The following SORCS2 variants were observed in gnomAD, a reference collection of about 807,000 sequenced individuals.
SORCS2 encodes VPS10 domain-containing receptor SorCS2.
Under a neutral mutation model 141.6 loss-of-function variants are expected in SORCS2, and 100 were observed. The ratio of observed to expected loss-of-function variants is 0.71; its 90% CI spans 0.60 to 0.83. The LOEUF (loss-of-function observed/expected upper bound fraction) is 0.83. Among genes scored for constraint, SORCS2 ranks in the 40% least tolerant of loss-of-function variants. The pLI, the probability that SORCS2 is intolerant of heterozygous loss-of-function variation, is 0.00. For synonymous variants in SORCS2, 789 were observed against 676.9 expected (o/e 1.17, Z -2.57); for missense variants, 1,646 against 1,560.2 (o/e 1.05, Z -0.93).
chr4:7,633,642 G>A (rs1720041849), intron 3 of SORCS2, among the ~76,000 whole-genome samples: 1 of 152,206 alleles, frequency 6.6e-6, no homozygotes, highest in African/African-American at 2.4e-5. Context: ...AAGTGGATGA[G>A]TTTTTTCTAT....
chr4:7,512,409 AAGGG>A (rs367825722), intron 2 of SORCS2, among the ~76,000 whole-genome samples: 1,662 of 128,896 alleles, frequency 0.013, 18 homozygotes, highest in East Asian at 0.029. Context: ...GGAAGGAAAG[AAGGG>A]AGGGAGGGAG....
At chr4:7,467,941 G>C (rs1427709948) in intron 2 of SORCS2, among the ~76,000 whole-genome samples, 1 of 152,244 alleles carries the variant, frequency 6.6e-6, no homozygotes, top group African/African-American at 2.4e-5. Flanking sequence ...GGTTGGGTTT[G>C]AGTGGGCTCC....
chr4:7,559,540 G>A (rs562192008), intron 3 of SORCS2, among the ~76,000 whole-genome samples: 37 of 152,146 alleles, frequency 2.4e-4, no homozygotes, highest in Non-Finnish European at 5.0e-4. Flanking sequence ...TGGTGCCAGC[G>A]GGGGCCCAGG....
intron 3 of SORCS2, among the ~76,000 whole-genome samples, chr4:7,616,390 A>T (rs1718761049): frequency 6.6e-6 from 1 of 151,988 alleles, no homozygotes; most frequent in Admixed American, 6.5e-5. Flanking sequence ...CCATCCACTC[A>T]TCCATAATCC....
At chr4:7,603,365 CA>C (rs776601268) in intron 3 of SORCS2, among the ~76,000 whole-genome samples, 103 of 152,296 alleles carry the variant, frequency 6.8e-4, no homozygotes, top group Admixed American at 1.1e-3. Flanking sequence ...TCTGAAATGG[CA>C]AATCCTCTGT....
At chr4:7,699,733 C>G (rs1398488291) in intron 12 of SORCS2, among the ~76,000 whole-genome samples, 5 of 152,194 alleles carry the variant, frequency 3.3e-5, no homozygotes. Context: ...CTCACAGGAC[C>G]CAGCGTGGTC....
chr4:7,570,681 G>T (rs1486829882), intron 3 of SORCS2, among the ~76,000 whole-genome samples: 1 of 152,098 alleles, frequency 6.6e-6, no homozygotes, highest in Non-Finnish European at 1.5e-5. Flanking sequence ...TCCTGGTTCT[G>T]CTTTTGTCCC....
At chr4:7,422,984 GCCACCCCTCCCCTACCCC>G in intron 2 of SORCS2, among the ~76,000 whole-genome samples, 1 of 137,910 alleles carries the variant, frequency 7.3e-6, no homozygotes, top group Non-Finnish European at 1.6e-5. Context: ...CCCAGCACCT[GCCACCCCTCCCCTACCCC>G]CCACCCCTCT....
intron 8 of SORCS2, among the ~76,000 whole-genome samples, chr4:7,667,707 A>G (rs1370855924): frequency 6.6e-6 from 1 of 152,196 alleles, no homozygotes; most frequent in Non-Finnish European, 1.5e-5. Flanking sequence ...CCTGGCATAT[A>G]GTAGGTGCTC....
At chr4:7,429,099 G>A (rs1184474533) in intron 2 of SORCS2, among the ~76,000 whole-genome samples, 1 of 152,190 alleles carries the variant, frequency 6.6e-6, no homozygotes, top group Non-Finnish European at 1.5e-5. Flanking sequence ...TGGCAGAGTT[G>A]TTGACTTTTG....
chr4:7,491,077 A>G (rs1344266813), intron 2 of SORCS2, among the ~76,000 whole-genome samples: 1 of 152,042 alleles, frequency 6.6e-6, no homozygotes, highest in Non-Finnish European at 1.5e-5. Context: ...CCCTTGGGAC[A>G]TAAACCATAT....
chr4:7,232,243 A>G (rs981925482), intron 1 of SORCS2, among the ~76,000 whole-genome samples: 10 of 151,928 alleles, frequency 6.6e-5, no homozygotes, highest in African/African-American at 1.7e-4. Context: ...AGGATGGATG[A>G]GGGGAAAGCT....
intron 24 of SORCS2, 118 bp from the exon 25 acceptor site, chr4:7,734,154 A>T: frequency 1.7e-6 from 1 of 594,346 alleles, no homozygotes; most frequent in Non-Finnish European, 2.7e-6. Context: ...GCAGGGGACA[A>T]GCTGGGGATG....
intron 1 of SORCS2, among the ~76,000 whole-genome samples, chr4:7,353,542 C>G (rs1281594409): frequency 6.6e-6 from 1 of 152,214 alleles, no homozygotes; most frequent in African/African-American, 2.4e-5. Context: ...TTAGTAGATG[C>G]TCAGTAAATC....
intron 3 of SORCS2, among the ~76,000 whole-genome samples, chr4:7,601,238 C>A (rs1288595368): frequency 6.6e-6 from 1 of 152,028 alleles, no homozygotes; most frequent in Non-Finnish European, 1.5e-5. Flanking sequence ...CTCCAAAAAA[C>A]CAGCTTTGAT....
chr4:7,734,746 G>C (rs141256597), intron 25 of SORCS2, among the ~76,000 whole-genome samples: 1 of 152,186 alleles, frequency 6.6e-6, no homozygotes, highest in Non-Finnish European at 1.5e-5. Flanking sequence ...TAACACAGAC[G>C]GCCAGCCTCA....
intron 3 of SORCS2, among the ~76,000 whole-genome samples, chr4:7,540,491 A>G (rs1712541478): frequency 6.6e-6 from 1 of 152,180 alleles, no homozygotes; most frequent in African/African-American, 2.4e-5. Context: ...TGTGTGCAGT[A>G]GCTTGGGAAG....
intron 3 of SORCS2, among the ~76,000 whole-genome samples, chr4:7,545,618 G>T (rs1201371598): frequency 1.3e-5 from 2 of 152,182 alleles, no homozygotes; most frequent in Non-Finnish European, 1.5e-5. Context: ...GGACTGGGTG[G>T]TGAGTGAGAT....
intron 2 of SORCS2, among the ~76,000 whole-genome samples, chr4:7,499,984 A>G (rs979326498): frequency 1.3e-5 from 2 of 152,174 alleles, no homozygotes; most frequent in Non-Finnish European, 2.9e-5. Context: ...TCTAGGCCGC[A>G]TCAGTCCATT....
Sources: allele counts gnomAD v4.1 joint callset (sites outside exome capture counted in the v4.1 genomes callset), GRCh38; gene constraint gnomAD v4.1.1; transcripts MANE v1.5; gene names NCBI Gene and HGNC (gene_info 2026-07-23, HGNC 2026-07-21).